CTNNB1: variants seen among roughly 807,000 people sequenced by gnomAD.
The protein encoded by CTNNB1 is catenin beta 1.
CTNNB1 carries 6 observed loss-of-function variants against 82.5 expected under a neutral mutation model. The ratio of observed to expected loss-of-function variants is 0.07; its 90% confidence interval spans 0.04 to 0.14. CTNNB1 has a LOEUF of 0.14. Among genes scored for constraint, CTNNB1 ranks in the 10% least tolerant of loss-of-function variants. The pLI, the probability that CTNNB1 is intolerant of heterozygous loss-of-function variation, is 1.00. For missense variants in CTNNB1, 529 were observed against 980.4 expected (o/e 0.54, Z 6.15); for synonymous variants, 312 against 329.7 (o/e 0.95, Z 0.58).
chr3:41,217,396 A>T (rs2077940181), intron 1 of CTNNB1, among the ~76,000 whole-genome samples: 1 of 152,024 alleles, frequency 6.6e-6, no homozygotes, highest in Non-Finnish European at 1.5e-5. Context: ...GATCTTGTTG[A>T]CTCTCTTACT....
At chr3:41,200,266 G>C (rs1474130879) in intron 1 of CTNNB1, 1 of 152,120 alleles carries the variant, frequency 6.6e-6, no homozygotes, top group Non-Finnish European at 1.5e-5. Flanking sequence ...AGTTTGAATC[G>C]AAGCAACTTT....
intron 1 of CTNNB1, among the ~76,000 whole-genome samples, chr3:41,208,447 T>A (rs2077700265): frequency 6.6e-6 from 1 of 152,170 alleles, no homozygotes; most frequent in Admixed American, 6.5e-5. Flanking sequence ...TATCTGTAAC[T>A]CTGCTCTCTT....
In CTNNB1 at chr3:41,225,264, G is replaced by C. The variant is rs2125621644; in HGVS notation, c.495+57G>C. 1.9e-6 allele frequency: 3 copies of C among 1,613,876 alleles called. No homozygotes were observed. The East Asian group carries it at 6.7e-5, about 36-fold the overall frequency. On this transcript the variant is annotated intron_variant, in intron 4 of 14. Coordinates refer to ENST00000349496, the MANE Select transcript of CTNNB1 (RefSeq NM_001904.4). The surrounding 1 kb of genome is among the most constrained non-coding windows in gnomAD (Gnocchi z 5.3). ...GCTTTGAAGTAAATGCTCAAGGGGA[G>C]TAGTTTCAGAATGTCTACCCAATAC...
chr3:41,209,668 G>A (rs2077732447), intron 1 of CTNNB1, among the ~76,000 whole-genome samples: 1 of 152,164 alleles, frequency 6.6e-6, no homozygotes, highest in Non-Finnish European at 1.5e-5. Flanking sequence ...ATATGGTGTG[G>A]CCAATTACTA....
chr3:41,213,687 A>G (rs1432122319), intron 1 of CTNNB1, among the ~76,000 whole-genome samples: 1 of 152,220 alleles, frequency 6.6e-6, no homozygotes, highest in African/African-American at 2.4e-5. Flanking sequence ...TAATATCACA[A>G]TCTCGTAAAT....
intron 1 of CTNNB1, chr3:41,220,887 AAAATAACTTCAGTGTG>A (rs2078032129): frequency 6.6e-6 from 1 of 152,210 alleles, no homozygotes; most frequent in Middle Eastern, 3.2e-3. Context: ...GGGAAGAGGA[AAAATAACTTCAGTGTG>A]AAATCTATTA....
intron 14 of CTNNB1, 74 bp from the exon 15 acceptor site, chr3:41,239,060 C>T (rs548079007): frequency 1.2e-5 from 15 of 1,278,656 alleles, no homozygotes; most frequent in African/African-American, 7.3e-5. Context: ...TCAGTGTTAA[C>T]GTCTATGTCT....
chr3:41,212,780 G>A (rs760655693), intron 1 of CTNNB1, among the ~76,000 whole-genome samples: 56 of 152,342 alleles, frequency 3.7e-4, no homozygotes, highest in Non-Finnish European at 6.6e-4. Flanking sequence ...AATTGTGCAA[G>A]CCAGATAGGT....
Position 41,225,896 on chromosome 3 carries a change from G to T in CTNNB1, c.936+35G>T, listed in dbSNP as rs781203247. 5.8e-6 allele frequency: 9 copies of T among 1,564,576 alleles called. No individual in the cohort carries two copies. The highest frequency in any genetic ancestry group is 7.0e-6 in the Non-Finnish European group (8 of 1,138,636). ...TTATTCTTTATGTGGTTTTCATGGA[G>T]CATTGGACACCTCCAGTGTCATGTC... On this transcript the variant is annotated intron_variant, in intron 6 of 14. Coordinates refer to ENST00000349496, the MANE Select transcript of CTNNB1 (RefSeq NM_001904.4). The surrounding 1 kb of genome is among the most constrained non-coding windows in gnomAD (Gnocchi z 5.3).
chr3:41,205,372 T>C lies in CTNNB1; in HGVS notation c.-49+5702T>C, dbSNP rs182032610. 1.8e-4 allele frequency among the ~76,000 whole-genome samples: 28 copies of C among 152,348 alleles called. No individual in the cohort carries two copies. The East Asian group carries it at 4.2e-3, about 23-fold the overall frequency. ...TTTATGTAGGCAGTTAAATCGATTT[T>C]GGTTAAATCTTTTGCTGCTAACAAG... is the stretch of plus-strand genomic sequence containing the variant. On this transcript the variant is annotated intron_variant, in intron 1 of 14. Coordinates refer to ENST00000349496, the MANE Select transcript of CTNNB1 (RefSeq NM_001904.4).
intron 1 of CTNNB1, among the ~76,000 whole-genome samples, chr3:41,223,693 T>C (rs994632428): frequency 6.6e-6 from 1 of 152,170 alleles, no homozygotes; most frequent in Non-Finnish European, 1.5e-5. Flanking sequence ...AGCAGCTGAT[T>C]TTTGAATAGT....
rs1388700046 is a variant in CTNNB1 at position 41,217,637 on chromosome 3, C to G, written c.-48-6384C>G. Among the ~76,000 whole-genome samples the G allele has an allele frequency of 2.0e-5, 3 of 152,184 alleles. No homozygotes were observed. The East Asian group carries it at 5.8e-4, about 29-fold the overall frequency. ...ATTTTTAAGTCAAAGGGTAGTTACA[C>G]TTTAATGGATAGTGGCAGCTTACTA... is the stretch of plus-strand genomic sequence containing the variant. On this transcript the variant is annotated intron_variant, in intron 1 of 14. Transcript: ENST00000349496.
At position 41,240,323 on chromosome 3, in the gene CTNNB1, T is replaced by G. The variant is rs2078554091; in HGVS notation, c.*981T>G. The G allele has an allele frequency of 1.0e-5, 2 of 191,162 alleles. No homozygotes were observed. The highest frequency in any genetic ancestry group is 3.9e-4 in the South Asian group (2 of 5,166). The allele number at this position is 191,162 out of a possible 1,614,324, so 11.8% of individuals were successfully genotyped here. ...CAGTAAGAGGTGTTATTTGGAACCT[T>G]GTTTTGGACAGTTTACCAGTTGCCT... On this transcript the variant is annotated 3_prime_UTR_variant, in exon 15 of 15. Coordinates refer to ENST00000349496, the MANE Select transcript of CTNNB1 (RefSeq NM_001904.4).
chr3:41,234,541 G>T, intron 10 of CTNNB1: 1 of 527,544 alleles, frequency 1.9e-6, no homozygotes. Context: ...GTTGGGTTAG[G>T]TGTTTCATAA....
intron 7 of CTNNB1, chr3:41,233,098 A>C: frequency 1.7e-6 from 1 of 588,592 alleles, no homozygotes; most frequent in Middle Eastern, 4.6e-4. Context: ...GGAGATAACA[A>C]AGGCTTTTTC....
chr3:41,225,529 A>G lies in CTNNB1; in HGVS notation c.691A>G (p.Ile231Val), dbSNP rs2125623346. 5 of 1,614,146 alleles carry G rather than the reference A, an allele frequency of 3.1e-6. No individual in the cohort carries two copies. The highest frequency in any genetic ancestry group is 4.2e-6 in the Non-Finnish European group (5 of 1,180,000). Residue 231 changes from isoleucine to valine, a missense_variant, in exon 5 of 15, where the codon ATC becomes GTC. By Grantham distance (29) the Ile-to-Val change is conservative. Coordinates refer to ENST00000349496, the MANE Select transcript of CTNNB1 (RefSeq NM_001904.4). The surrounding 1 kb of genome is among the most constrained non-coding windows in gnomAD (Gnocchi z 5.3). ...CCATCATCGTGAGGGCTTACTGGCC[A>G]TCTTTAAGTCTGGAGGCATTCCTGC... is the stretch of plus-strand genomic sequence containing the variant. ...LSHHREGLLAIFKSGGIPALV... is the reference protein window; with the variant it reads ...LSHHREGLLAVFKSGGIPALV...
At chr3:41,202,039 A>G (rs2077543395) in intron 1 of CTNNB1, among the ~76,000 whole-genome samples, 1 of 152,140 alleles carries the variant, frequency 6.6e-6, no homozygotes, top group Non-Finnish European at 1.5e-5. Context: ...AGGTGGGGAG[A>G]GGCGCATGCT....
intron 1 of CTNNB1, among the ~76,000 whole-genome samples, chr3:41,216,545 C>CT (rs1363707972): frequency 6.6e-6 from 1 of 152,186 alleles, no homozygotes; most frequent in Non-Finnish European, 1.5e-5. Flanking sequence ...TTGGTTACCA[C>CT]TTTTTTTATT....
chr3:41,211,346 AGCCATGCCAT>A (rs898081333), intron 1 of CTNNB1, among the ~76,000 whole-genome samples: 5 of 152,272 alleles, frequency 3.3e-5, no homozygotes, highest in Non-Finnish European at 4.4e-5. Context: ...TTCTCACTGA[AGCCATGCCAT>A]GCCATGCCAT....
Sources: gnomAD v4.1 joint callset for allele counts (sites outside exome capture counted in the v4.1 genomes callset) on GRCh38, gnomAD v4.1.1 for gene constraint, Gnocchi (gnomAD v3.1) non-coding constraint, MANE v1.5 for transcripts, NCBI Gene and HGNC (gene_info 2026-07-23, HGNC 2026-07-21) for gene names.